The following RPH3A variants were observed in gnomAD, a reference collection of about 807,000 sequenced individuals.
RPH3A encodes the protein rabphilin-3A.
In RPH3A, 48 loss-of-function variants were observed where a neutral mutation model predicts 102.2. The ratio of observed to expected loss-of-function variants is 0.47; its 90% CI spans 0.37 to 0.60. RPH3A has a LOEUF of 0.60. Ranked by LOEUF, RPH3A falls within the 20% of genes least tolerant of loss-of-function variation. The probability of loss-of-function intolerance (pLI) is 0.00; values close to 1 mark genes in which losing one functional copy is unlikely to be tolerated. For missense variants in RPH3A, 781 were observed against 910.1 expected, an observed-to-expected ratio of 0.86 and a Z score of 1.83; for synonymous variants, 310 against 324.3, an observed-to-expected ratio of 0.96 and a Z score of 0.47.
chr12:112,720,469 C>T (rs2040543049), intron 1 of RPH3A, among the ~76,000 whole-genome samples: 1 of 152,166 alleles, frequency 6.6e-6, no homozygotes, highest in African/African-American at 2.4e-5. Flanking sequence ...ACAAGATTTT[C>T]CTTCCAGTTT....
intron 1 of RPH3A, among the ~76,000 whole-genome samples, chr12:112,745,582 C>T: frequency 6.6e-6 from 1 of 152,178 alleles, no homozygotes; most frequent in East Asian, 1.9e-4. Context: ...AGCTGATTTC[C>T]CTCTGGTTGT....
chr12:112,795,442 C>T (rs2041210289), intron 2 of RPH3A, among the ~76,000 whole-genome samples: 1 of 152,166 alleles, frequency 6.6e-6, no homozygotes, highest in South Asian at 2.1e-4. Flanking sequence ...GATGGAGAGC[C>T]TTGATGTGCT....
At chr12:112,868,363 C>A in intron 7 of RPH3A, 67 bp from the exon 8 acceptor site, 3 of 1,511,316 alleles carry the variant, frequency 2.0e-6, no homozygotes, top group Non-Finnish European at 2.7e-6. Flanking sequence ...TAAAAATGGG[C>A]ACTCATGAAG....
intron 20 of RPH3A, among the ~76,000 whole-genome samples, 157 bp downstream of exon 20, chr12:112,894,816 C>A (rs916715954): frequency 2.0e-5 from 3 of 152,086 alleles, no homozygotes; most frequent in Non-Finnish European, 4.4e-5. Flanking sequence ...TATTTGAGAA[C>A]ATGCTAAGTT....
chr12:112,593,271 A>G (rs1214695728), intron 1 of RPH3A, among the ~76,000 whole-genome samples: 1 of 152,176 alleles, frequency 6.6e-6, no homozygotes, highest in Non-Finnish European at 1.5e-5. Flanking sequence ...CAGCCTCCAG[A>G]ATTGTGAGAA....
chr12:112,881,955 C>T (rs911692410), intron 15 of RPH3A, 109 bp downstream of exon 15: 3 of 732,432 alleles, frequency 4.1e-6, no homozygotes, highest in African/African-American at 3.6e-5. Context: ...AAATCCCCAA[C>T]CCCACCTCAT....
At chr12:112,745,149 T>G (rs2040735645) in intron 1 of RPH3A, among the ~76,000 whole-genome samples, 1 of 152,198 alleles carries the variant, frequency 6.6e-6, no homozygotes, top group South Asian at 2.1e-4. Context: ...GCCTTCAGTG[T>G]GAGCTTTCCT....
intron 1 of RPH3A, among the ~76,000 whole-genome samples, chr12:112,718,343 T>A (rs1418652129): frequency 6.6e-6 from 1 of 152,194 alleles, no homozygotes; most frequent in Non-Finnish European, 1.5e-5. Context: ...AAGGGCTCCA[T>A]GAATAAGTAA....
intron 1 of RPH3A, among the ~76,000 whole-genome samples, chr12:112,756,353 C>G (rs1434240894): frequency 6.6e-6 from 1 of 152,130 alleles, no homozygotes; most frequent in African/African-American, 2.4e-5. Context: ...GCTGGGATTA[C>G]AGGTATGCAC....
chr12:112,712,925 C>CTCTTCTTCTTCT (rs529826755), intron 1 of RPH3A, among the ~76,000 whole-genome samples: 4,458 of 94,030 alleles, frequency 0.047, 163 homozygotes, highest in Non-Finnish European at 0.054. Flanking sequence ...CTTCTTCTTC[C>CTCTTCTTCTTCT]TCTTCTTCTT....
intron 17 of RPH3A, among the ~76,000 whole-genome samples, chr12:112,888,924 G>T (rs985505826): frequency 6.6e-6 from 1 of 152,194 alleles, no homozygotes; most frequent in Non-Finnish European, 1.5e-5. Context: ...GCCCAGAAAG[G>T]GTAGCAAGTC....
intron 1 of RPH3A, among the ~76,000 whole-genome samples, chr12:112,745,864 G>T (rs375315979): frequency 6.6e-6 from 1 of 152,056 alleles, no homozygotes; most frequent in African/African-American, 2.4e-5. Context: ...CCAATTCTGT[G>T]GTTTCCTGGT....
intron 4 of RPH3A, among the ~76,000 whole-genome samples, chr12:112,841,173 T>TAAAAAAAAAAAAAAAAACAAA (rs2042135307): frequency 3.0e-5 from 1 of 33,370 alleles, no homozygotes; most frequent in Non-Finnish European, 5.2e-5. Flanking sequence ...CCTTGTTTCT[T>TAAAAAAAAAAAAAAAAACAAA]AAAAAAAAAA....
intron 8 of RPH3A, chr12:112,868,802 C>A: frequency 4.0e-6 from 2 of 496,050 alleles, no homozygotes; most frequent in Non-Finnish European, 7.0e-6. Context: ...TCCAGCAATG[C>A]CAAGCCGCCC....
intron 1 of RPH3A, among the ~76,000 whole-genome samples, chr12:112,607,869 T>A (rs2039609026): frequency 6.6e-6 from 1 of 152,230 alleles, no homozygotes; most frequent in South Asian, 2.1e-4. Flanking sequence ...GTTCATTTTA[T>A]GGCGAACCAG....
rs1230150659 is a variant in RPH3A at position 112,792,184 on chromosome 12, C to T, written c.-98C>T. On this transcript the variant is annotated 5_prime_UTR_variant, in exon 2 of 22. Transcript: ENST00000389385. The stretch of plus-strand genomic sequence containing the variant: ...TTTAAACCAAGTCATTGGGACTTAG[C>T]GTCTTTCTACCCGGCAGGGAAGGGA... 6.6e-6 allele frequency: 1 copy of T among 152,134 alleles called. No individual in the cohort carries two copies. The highest frequency in any genetic ancestry group is 2.4e-5 in the African/African-American group (1 of 41,430). 9.4% of individuals were successfully genotyped at this position (152,134 alleles called of 1,614,324 possible).
intron 15 of RPH3A, among the ~76,000 whole-genome samples, chr12:112,882,839 T>G (rs780762175): frequency 3.3e-5 from 5 of 152,236 alleles, no homozygotes; most frequent in Non-Finnish European, 7.3e-5. Context: ...TGGGCATAGT[T>G]GCATTTCTAG....
intron 1 of RPH3A, among the ~76,000 whole-genome samples, chr12:112,784,581 A>G (rs1250446273): frequency 6.6e-6 from 1 of 152,204 alleles, no homozygotes; most frequent in Non-Finnish European, 1.5e-5. Flanking sequence ...AAGTTCTAAG[A>G]ATAATTTATT....
chr12:112,699,188 T>C (rs2040374295), intron 1 of RPH3A, among the ~76,000 whole-genome samples: 1 of 152,238 alleles, frequency 6.6e-6, no homozygotes, highest in Admixed American at 6.5e-5. Context: ...CCCAAAGTGC[T>C]GGGCTTACAG....
Sources: gnomAD v4.1 joint callset for allele counts (sites outside exome capture counted in the v4.1 genomes callset) on GRCh38, gnomAD v4.1.1 for gene constraint, MANE v1.5 for transcripts, NCBI Gene and HGNC (gene_info 2026-07-23, HGNC 2026-07-21) for gene names.